The following FLCN variants were observed in gnomAD, a reference collection of about 807,000 sequenced individuals.
FLCN encodes the protein BHD skin lesion fibrofolliculoma protein.
Under a neutral mutation model 62.5 loss-of-function variants are expected in FLCN, and 22 were observed. The observed-to-expected ratio is 0.35, with a 90% CI of 0.25 to 0.50. The LOEUF is 0.50. Among genes scored for constraint, FLCN ranks in the 20% least tolerant of loss-of-function variants. The probability of loss-of-function intolerance (pLI) is 0.97; values close to 1 mark genes in which losing one functional copy is unlikely to be tolerated. For missense variants in FLCN, 657 were observed against 778.0 expected, an observed-to-expected ratio of 0.84 and a Z score of 1.85; for synonymous variants, 319 against 310.0, an observed-to-expected ratio of 1.03 and a Z score of -0.30.
chr17:17,228,050 G>A lies in FLCN; in HGVS notation c.88C>T (p.Pro30Ser), dbSNP rs2047311657. The A allele has an allele frequency of 6.2e-7, 1 of 1,613,836 alleles. No homozygotes were observed. The highest frequency in any genetic ancestry group is 8.5e-7 in the Non-Finnish European group (1 of 1,180,050). Residue 30 changes from proline to serine, a missense_variant, in exon 4 of 14, where the codon CCT (proline) becomes TCT (serine). Transcript: ENST00000285071. ...FCTEVLHAPL[P>S]QGDGNEDSPG... Reference sequence around the variant, plus strand: ...CTGTCCTCATTCCCATCCCCTTGAGGAAGTGGGGCGTGCAGCACCTCCGTG... The same window carrying A: ...CTGTCCTCATTCCCATCCCCTTGAGAAAGTGGGGCGTGCAGCACCTCCGTG...
chr17:17,231,475 G>A (rs774930861), intron 3 of FLCN: 3 of 152,088 alleles, frequency 2.0e-5, no homozygotes, highest in Non-Finnish European at 4.4e-5. Context: ...AAGGGCCCAA[G>A]TCAGACTTGC....
chr17:17,231,880 A>G lies in FLCN; in HGVS notation c.-111T>C, dbSNP rs1375981778. 1.3e-5 allele frequency: 2 copies of G among 152,686 alleles called. No homozygotes were observed. The highest frequency in any genetic ancestry group is 1.5e-5 in the Non-Finnish European group (1 of 68,146). 9.5% of individuals were successfully genotyped at this position (152,686 alleles called of 1,614,324 possible). A position where few individuals can be genotyped will look rare whatever the true frequency, so the allele number is the denominator to read the frequency against. ...GAGATACGGCTGAGCACGAGTGGTCACACTGGGAATGGCAGAGGCAGACAG... is the reference window on the plus strand; with the variant it reads ...GAGATACGGCTGAGCACGAGTGGTCGCACTGGGAATGGCAGAGGCAGACAG... On this transcript the variant is annotated splice_region_variant and 5_prime_UTR_variant, in exon 3 of 14. Transcript: ENST00000285071.
At chr17:17,222,742 C>T in intron 6 of FLCN, 81 bp from the exon 7 acceptor site, 2 of 1,551,536 alleles carry the variant, frequency 1.3e-6, no homozygotes, top group Admixed American at 1.7e-5. Flanking sequence ...CAGCCAACTC[C>T]AGGACCTGAC....
chr17:17,215,256 CA>C lies in FLCN; in HGVS notation c.1360del (p.Cys454ValfsTer14). ...AARSTLHPVG[C>X]EDDQSLSKYE... ...CTTGCTGAGAGACTGGTCATCCTCACACCCCACAGGGTGGAGGGTGGAACGT... is the reference window on the plus strand; with the variant it reads ...CTTGCTGAGAGACTGGTCATCCTCACCCCCACAGGGTGGAGGGTGGAACGT... On this transcript the variant is annotated frameshift_variant, in exon 12 of 14. Coordinates refer to ENST00000285071, the MANE Select transcript of FLCN (RefSeq NM_144997.7). LOFTEE classifies it high-confidence loss of function. 6.2e-7 allele frequency: 1 copy of C among 1,614,212 alleles called. No homozygotes were observed. Among genetic ancestry groups the C allele is most frequent in the Non-Finnish European group, 8.5e-7 (1 of 1,180,036 alleles).
rs761308202 is a variant in FLCN at position 17,215,121 on chromosome 17, C to T, written c.1433-31G>A. ...GAGAAGGGCAGGGGCAGAGCAAGGG[C>T]AGGCGTTAGCGCGGGGCGGGGGCAT... is the stretch of plus-strand genomic sequence containing the variant. On this transcript the variant is annotated intron_variant, in intron 12 of 13. Transcript: ENST00000285071. 13 of 1,613,724 alleles carry T rather than the reference C, an allele frequency of 8.1e-6. No individual in the cohort carries two copies. The East Asian group carries it at 2.7e-4, about 33-fold the overall frequency.
Position 17,213,321 on chromosome 17 carries a change from T to C in FLCN, c.*334A>G, listed in dbSNP as rs2046806043. ...TTGCGACTGCATACTGAGTCGGACC[T>C]GTTTCTCCTGCGGGTTTTGAGTCTA... On this transcript the variant is annotated 3_prime_UTR_variant, in exon 14 of 14. Transcript: ENST00000285071. 4.0e-6 allele frequency: 2 copies of C among 495,074 alleles called. No homozygotes were observed. Among genetic ancestry groups the C allele is most frequent in the Non-Finnish European group, 7.4e-6 (2 of 269,032 alleles). The allele number at this position is 495,074 out of a possible 1,614,324, so 30.7% of individuals were successfully genotyped here.
At chr17:17,230,519 G>C (rs907952993) in intron 3 of FLCN, among the ~76,000 whole-genome samples, 2 of 151,738 alleles carry the variant, frequency 1.3e-5, no homozygotes, top group African/African-American at 4.8e-5. Flanking sequence ...AACAAAGTGA[G>C]ACTCAGTCTC....
chr17:17,232,947 G>A (rs567297665), intron 1 of FLCN, 46 bp from the exon 2 acceptor site: 3 of 152,310 alleles, frequency 2.0e-5, no homozygotes, highest in African/African-American at 4.8e-5. Context: ...AAGATTAGAG[G>A]CCTTCGTAGC....
chr17:17,216,638 G>A lies in FLCN; in HGVS notation c.1177-135C>T. 2.1e-6 allele frequency: 3 copies of A among 1,404,462 alleles called. No homozygotes were observed. The highest frequency in any genetic ancestry group is 2.9e-6 in the Non-Finnish European group (3 of 1,031,172). The allele number at this position is 1,404,462 out of a possible 1,614,324, so 87.0% of individuals were successfully genotyped here. On this transcript the variant is annotated intron_variant, in intron 10 of 13. Transcript: ENST00000285071. The surrounding 1 kb of genome is among the most constrained non-coding windows in gnomAD (Gnocchi z 4.0). Reference sequence around the variant, plus strand: ...CTCCCTCCTGCCAGAGGAGTCCCCAGACTCTCAGCCCACAGTGGGGGTGAG... The same window carrying A: ...CTCCCTCCTGCCAGAGGAGTCCCCAAACTCTCAGCCCACAGTGGGGGTGAG...
chr17:17,222,726 C>A (rs574377321), intron 6 of FLCN, 65 bp from the exon 7 acceptor site: 3 of 1,602,012 alleles, frequency 1.9e-6, no homozygotes, highest in South Asian at 1.1e-5. Context: ...GACCCCTACT[C>A]GTTCACAGCC....
At chr17:17,218,379 T>C (rs923437038) in intron 9 of FLCN, among the ~76,000 whole-genome samples, 1 of 142,118 alleles carries the variant, frequency 7.0e-6, no homozygotes, top group Non-Finnish European at 1.5e-5. Flanking sequence ...AGAATGACCA[T>C]CACTTTCTTT....
At chr17:17,222,410 G>C in intron 7 of FLCN, 91 bp downstream of exon 7, 5 of 1,574,130 alleles carry the variant, frequency 3.2e-6, no homozygotes, top group Non-Finnish European at 4.3e-6. Context: ...ACACGGCTAA[G>C]GACTGTTCTC....
intron 13 of FLCN, among the ~76,000 whole-genome samples, chr17:17,214,744 C>G (rs2046857078): frequency 6.6e-6 from 1 of 152,164 alleles, no homozygotes; most frequent in Non-Finnish European, 1.5e-5. Context: ...GCCCAAGCCT[C>G]AGTCGCTCTC....
intron 3 of FLCN, among the ~76,000 whole-genome samples, chr17:17,230,343 C>T (rs548121191): frequency 2.0e-5 from 3 of 151,956 alleles, no homozygotes; most frequent in Non-Finnish European, 1.5e-5. Context: ...CCAGCCTGGC[C>T]GACGCAGTGA....
rs73284539 is a variant in FLCN at position 17,214,882 on chromosome 17, C to G, written c.1538+103G>C. On this transcript the variant is annotated intron_variant, in intron 13 of 13. Transcript: ENST00000285071. ...GAACCCCGCCCCCAACCTCTTCTCT[C>G]GGCTCCTCCCTCAGTGGCCACGGCC... is the stretch of plus-strand genomic sequence containing the variant. 1,234 of 1,243,080 alleles carry G rather than the reference C, an allele frequency of 9.9e-4. 10 individuals carry two copies. In the African/African-American group the frequency reaches 0.014, roughly 14 times the overall value. The allele number at this position is 1,243,080 out of a possible 1,614,324, so 77.0% of individuals were successfully genotyped here.
At chr17:17,221,225 C>T in intron 8 of FLCN, 1 of 1,532,546 alleles carries the variant, frequency 6.5e-7, no homozygotes, top group Non-Finnish European at 8.8e-7. Context: ...AGGCCAAGCA[C>T]TTGGCTATCA....
chr17:17,216,995 G>T lies in FLCN; in HGVS notation c.1176+74C>A. 9.0e-7 allele frequency: 1 copy of T among 1,105,826 alleles called. No homozygotes were observed. Among genetic ancestry groups the T allele is most frequent in the Non-Finnish European group, 1.4e-6 (1 of 723,650 alleles). 68.5% of individuals were successfully genotyped at this position (1,105,826 alleles called of 1,614,324 possible). On this transcript the variant is annotated intron_variant, in intron 10 of 13. Transcript: ENST00000285071. The surrounding 1 kb of genome is among the most constrained non-coding windows in gnomAD (Gnocchi z 4.0). ...CTGTGCTGGGCAGTCGGTGCACCTT[G>T]GCATCCCCACCTGACGCCAGGCACC...
Position 17,217,237 on chromosome 17 carries a change from C to T in FLCN, c.1063-55G>A, listed in dbSNP as rs1203795602. ...TGACTAGTAGAAATGGTTTTTCTCT[C>T]CCTTCCCATGAAGTTATTTGTGTGT... On this transcript the variant is annotated intron_variant, in intron 9 of 13. Coordinates refer to ENST00000285071, the MANE Select transcript of FLCN (RefSeq NM_144997.7). 4.2e-6 allele frequency: 5 copies of T among 1,184,134 alleles called. No homozygotes were observed. In the South Asian group the frequency reaches 5.0e-5, roughly 12 times the overall value. 73.4% of individuals were successfully genotyped at this position (1,184,134 alleles called of 1,614,324 possible).
At position 17,216,342 on chromosome 17, in the gene FLCN, G is replaced by A. The variant is rs1429929532; in HGVS notation, c.1300+38C>T. On this transcript the variant is annotated intron_variant, in intron 11 of 13. Transcript: ENST00000285071. The surrounding 1 kb of genome is among the most constrained non-coding windows in gnomAD (Gnocchi z 4.0). The stretch of plus-strand genomic sequence containing the variant: ...TGGGCCTGAGGCGTGGGGAACCTCA[G>A]CGCAGGGCATGGCCCCACAGCCCGC... 2.5e-6 allele frequency: 4 copies of A among 1,611,654 alleles called. No individual in the cohort carries two copies. The highest frequency in any genetic ancestry group is 2.7e-5 in the African/African-American group (2 of 74,888).
Sources: allele counts gnomAD v4.1 joint callset (sites outside exome capture counted in the v4.1 genomes callset), GRCh38; gene constraint gnomAD v4.1.1; non-coding constraint Gnocchi (gnomAD v3.1); transcripts MANE v1.5; gene names NCBI Gene and HGNC (gene_info 2026-07-23, HGNC 2026-07-21).